The following EXOC4 variants were observed in gnomAD, a reference collection of about 807,000 sequenced individuals.
EXOC4 encodes SEC8-like 1.
A neutral mutation model predicts 107.2 loss-of-function variants in EXOC4; 71 were observed. That is an observed-to-expected ratio of 0.66 (90% CI 0.55 to 0.81). EXOC4 has a LOEUF of 0.81. Ranked by LOEUF, EXOC4 falls within the 30% of genes least tolerant of loss-of-function variation. The pLI, the probability that EXOC4 is intolerant of heterozygous loss-of-function variation, is 0.00. For synonymous variants in EXOC4, 456 were observed against 441.2 expected, an observed-to-expected ratio of 1.03 and a Z score of -0.42; for missense variants, 1,108 against 1,189.6, an observed-to-expected ratio of 0.93 and a Z score of 1.01.
chr7:133,408,023 A>G (rs1162372490), intron 7 of EXOC4, among the ~76,000 whole-genome samples: 1 of 152,172 alleles, frequency 6.6e-6, no homozygotes, highest in Non-Finnish European at 1.5e-5. Context: ...ATGATGAAGG[A>G]GAAGGGGAAC....
intron 11 of EXOC4, among the ~76,000 whole-genome samples, chr7:133,882,211 A>C (rs1798981135): frequency 6.6e-6 from 1 of 152,194 alleles, no homozygotes; most frequent in African/African-American, 2.4e-5. Flanking sequence ...GCTCTGTAGT[A>C]TCTCATTGTA....
rs1373318677 is a variant in EXOC4 at position 133,937,879 on chromosome 7, T to C, written c.2028-12T>C. 6.2e-7 allele frequency: 1 copy of C among 1,613,950 alleles called. No individual in the cohort carries two copies. On this transcript the variant is annotated splice_polypyrimidine_tract_variant and intron_variant, in intron 13 of 17. Coordinates refer to ENST00000253861, the MANE Select transcript of EXOC4 (RefSeq NM_021807.4). ...CTGTATATATGAAGTGTGTTTCTGA[T>C]TTGCTTTTCAGGGCAGCTTTTGGCA...
chr7:133,609,250 A>G (rs1226981292), intron 9 of EXOC4, among the ~76,000 whole-genome samples: 1 of 152,230 alleles, frequency 6.6e-6, no homozygotes, highest in Non-Finnish European at 1.5e-5. Context: ...GGAATCCAGT[A>G]TGACAGTACA....
intron 17 of EXOC4, among the ~76,000 whole-genome samples, chr7:134,017,569 C>T (rs1361948768): frequency 6.6e-6 from 1 of 152,138 alleles, no homozygotes; most frequent in Non-Finnish European, 1.5e-5. Flanking sequence ...CCGTTTCTGA[C>T]CATGCCGCTT....
intron 5 of EXOC4, among the ~76,000 whole-genome samples, chr7:133,355,682 C>T (rs1796006070): frequency 6.6e-6 from 1 of 152,006 alleles, no homozygotes; most frequent in African/African-American, 2.4e-5. Context: ...AGAAGCCTTT[C>T]ATGGATTATT....
chr7:133,932,918 GA>G (rs1184069426), intron 13 of EXOC4, among the ~76,000 whole-genome samples: 2 of 151,476 alleles, frequency 1.3e-5, no homozygotes, highest in African/African-American at 4.9e-5. Flanking sequence ...CCAGGAGAGA[GA>G]GAGAGAGAGA....
At chr7:133,574,718 T>A (rs1221546597) in intron 9 of EXOC4, among the ~76,000 whole-genome samples, 1 of 152,220 alleles carries the variant, frequency 6.6e-6, no homozygotes, top group African/African-American at 2.4e-5. Flanking sequence ...AATATCATAC[T>A]TACACCTCAT....
At chr7:133,472,319 A>G (rs1435516173) in intron 7 of EXOC4, among the ~76,000 whole-genome samples, 2 of 152,192 alleles carry the variant, frequency 1.3e-5, no homozygotes, top group African/African-American at 4.8e-5. Flanking sequence ...GTGGCTGTCA[A>G]AATGGACAGG....
At chr7:133,469,150 G>C (rs909005612) in intron 7 of EXOC4, among the ~76,000 whole-genome samples, 1 of 152,184 alleles carries the variant, frequency 6.6e-6, no homozygotes, top group African/African-American at 2.4e-5. Flanking sequence ...GGACGCAGTG[G>C]CTCACGCCTG....
At chr7:133,792,156 C>T (rs946472222) in intron 10 of EXOC4, among the ~76,000 whole-genome samples, 13 of 152,116 alleles carry the variant, frequency 8.5e-5, no homozygotes, top group African/African-American at 3.1e-4. Context: ...GGAGGCTCTG[C>T]CACCATTCTG....
intron 17 of EXOC4, among the ~76,000 whole-genome samples, chr7:134,050,477 G>T (rs1294960107): frequency 7.2e-5 from 9 of 125,010 alleles, no homozygotes; most frequent in Non-Finnish European, 1.3e-4. Flanking sequence ...AGCTCAAAAA[G>T]AATATTAAGA....
intron 9 of EXOC4, among the ~76,000 whole-genome samples, chr7:133,533,178 T>G (rs915804805): frequency 1.3e-5 from 2 of 152,172 alleles, no homozygotes; most frequent in Non-Finnish European, 2.9e-5. Flanking sequence ...AGAAGGCCAC[T>G]TAACCATTTC....
intron 17 of EXOC4, among the ~76,000 whole-genome samples, chr7:134,008,111 A>G (rs1490955210): frequency 3.3e-5 from 5 of 152,206 alleles, no homozygotes; most frequent in African/African-American, 1.2e-4. Context: ...AAAAGTATAC[A>G]TGCTCATTGC....
the EXOC4 span, among the ~76,000 whole-genome samples, chr7:134,092,922 CAA>C: frequency 2.6e-4 from 21 of 80,418 alleles, no homozygotes; most frequent in Admixed American, 8.5e-4. Context: ...GACTCCATCT[CAA>C]AAAAAAAAAA....
chr7:133,820,310 A>T (rs1797487702), intron 11 of EXOC4, among the ~76,000 whole-genome samples: 1 of 151,888 alleles, frequency 6.6e-6, no homozygotes, highest in Non-Finnish European at 1.5e-5. Flanking sequence ...AAACAAGGAG[A>T]TGGTTATTTT....
intron 14 of EXOC4, among the ~76,000 whole-genome samples, chr7:133,948,507 A>G (rs975258551): frequency 1.3e-5 from 2 of 152,174 alleles, no homozygotes; most frequent in African/African-American, 2.4e-5. Context: ...CTTTTTTTCA[A>G]ACAGCTTCCT....
intron 11 of EXOC4, among the ~76,000 whole-genome samples, chr7:133,823,826 A>AC (rs1491147171): frequency 8.0e-4 from 19 of 23,734 alleles, no homozygotes; most frequent in African/African-American, 2.9e-3. Context: ...AAATACATAC[A>AC]TATATATATA....
intron 17 of EXOC4, among the ~76,000 whole-genome samples, chr7:134,030,457 G>A (rs2346444): frequency 0.16 from 24,145 of 152,106 alleles, 2,272 homozygotes; most frequent in East Asian, 0.42. Context: ...GCAGACTCTG[G>A]CCAAGCGACA....
chr7:133,298,489 C>G (rs1450369423), intron 3 of EXOC4, among the ~76,000 whole-genome samples: 5 of 152,036 alleles, frequency 3.3e-5, no homozygotes, highest in Non-Finnish European at 5.9e-5. Context: ...GTGGTCTCTT[C>G]TATTGGATTT....
Sources: gnomAD v4.1 joint callset for allele counts (sites outside exome capture counted in the v4.1 genomes callset) on GRCh38, gnomAD v4.1.1 for gene constraint, MANE v1.5 for transcripts, NCBI Gene and HGNC (gene_info 2026-07-23, HGNC 2026-07-21) for gene names.